GRM7: variants seen among roughly 807,000 people sequenced by gnomAD.
GRM7 encodes metabotropic glutamate receptor 7.
GRM7 carries 35 observed loss-of-function variants against 84.5 expected under a neutral mutation model. The ratio of observed to expected loss-of-function variants is 0.41; its 90% CI spans 0.32 to 0.55. The LOEUF (loss-of-function observed/expected upper bound fraction) is 0.55, where lower values mean the gene tolerates loss of function less well. Ranked by LOEUF, GRM7 falls within the 20% of genes least tolerant of loss-of-function variation. GRM7 has a pLI of 0.19. For synonymous variants in GRM7, 487 were observed against 455.1 expected (o/e 1.07, Z -0.89); for missense variants, 1,003 against 1,194.6 (o/e 0.84, Z 2.36).
intron 2 of GRM7, among the ~76,000 whole-genome samples, chr3:7,231,714 T>C (rs371327496): frequency 6.6e-6 from 1 of 152,152 alleles, no homozygotes; most frequent in Non-Finnish European, 1.5e-5. Flanking sequence ...TGCCCATAAA[T>C]GTACAGATGA....
chr3:7,721,928 G>T (rs1023123487), intron 9 of GRM7, among the ~76,000 whole-genome samples: 1 of 152,202 alleles, frequency 6.6e-6, no homozygotes, highest in Admixed American at 6.5e-5. Context: ...CTTTCACAGA[G>T]GTGGAACAGT....
intron 7 of GRM7, among the ~76,000 whole-genome samples, chr3:7,522,784 G>A (rs1346782933): frequency 6.6e-6 from 1 of 152,146 alleles, no homozygotes; most frequent in Non-Finnish European, 1.5e-5. Context: ...GTACGTCAAA[G>A]TCCTAACCCC....
intron 2 of GRM7, among the ~76,000 whole-genome samples, chr3:7,164,273 C>A (rs1054619468): frequency 6.6e-6 from 1 of 152,092 alleles, no homozygotes; most frequent in African/African-American, 2.4e-5. Flanking sequence ...GCAGGAGAAT[C>A]ACTTGAACCC....
intron 7 of GRM7, among the ~76,000 whole-genome samples, chr3:7,551,188 C>T (rs1056940236): frequency 2.4e-4 from 37 of 152,128 alleles, no homozygotes; most frequent in African/African-American, 8.5e-4. Context: ...CAAGTTTCTC[C>T]TTAAGGGGCA....
intron 7 of GRM7, among the ~76,000 whole-genome samples, chr3:7,561,023 C>A (rs1575494426): frequency 6.6e-6 from 1 of 152,210 alleles, no homozygotes; most frequent in African/African-American, 2.4e-5. Flanking sequence ...TTTCCATAAT[C>A]TGTTGCCTGC....
At chr3:6,885,119 G>A (rs1695642785) in intron 1 of GRM7, among the ~76,000 whole-genome samples, 1 of 152,192 alleles carries the variant, frequency 6.6e-6, no homozygotes, top group Non-Finnish European at 1.5e-5. Context: ...ACGACAGGCA[G>A]ACCCCCAAAT....
At chr3:6,947,061 T>C (rs1234553658) in intron 1 of GRM7, among the ~76,000 whole-genome samples, 1 of 152,186 alleles carries the variant, frequency 6.6e-6, no homozygotes, top group Non-Finnish European at 1.5e-5. Context: ...TCCTGCCTGA[T>C]TGCCCTGGCC....
At chr3:7,693,506 C>T (rs1700893752) in intron 9 of GRM7, 1 of 683,416 alleles carries the variant, frequency 1.5e-6, no homozygotes, top group Non-Finnish European at 2.7e-6. Flanking sequence ...AAAAATGCTA[C>T]ATTTTTGTTC....
At chr3:7,565,914 A>G (rs1039806680) in intron 7 of GRM7, among the ~76,000 whole-genome samples, 1 of 152,206 alleles carries the variant, frequency 6.6e-6, no homozygotes, top group Non-Finnish European at 1.5e-5. Context: ...TACTGCACAT[A>G]TAGCTTTTTG....
intron 1 of GRM7, among the ~76,000 whole-genome samples, chr3:6,864,141 A>G (rs1694861275): frequency 6.6e-6 from 1 of 152,174 alleles, no homozygotes; most frequent in Non-Finnish European, 1.5e-5. Context: ...TTTTCCTCTA[A>G]TTTGCAAATT....
At chr3:7,036,041 G>T (rs1489846156) in intron 1 of GRM7, among the ~76,000 whole-genome samples, 1 of 152,186 alleles carries the variant, frequency 6.6e-6, no homozygotes, top group Non-Finnish European at 1.5e-5. Flanking sequence ...GACTGAGACT[G>T]AGAGAGATAA....
At chr3:7,738,131 G>T (rs1702567665) in intron 9 of GRM7, among the ~76,000 whole-genome samples, 1 of 152,244 alleles carries the variant, frequency 6.6e-6, no homozygotes, top group African/African-American at 2.4e-5. Context: ...TGACAGGCAT[G>T]AGCAACCATA....
intron 8 of GRM7, among the ~76,000 whole-genome samples, chr3:7,611,750 G>T (rs1441140651): frequency 6.6e-6 from 1 of 152,076 alleles, no homozygotes; most frequent in African/African-American, 2.4e-5. Context: ...TACCAGATCA[G>T]AATCTGCATA....
At chr3:7,178,314 T>C (rs1263050294) in intron 2 of GRM7, among the ~76,000 whole-genome samples, 2 of 152,330 alleles carry the variant, frequency 1.3e-5, no homozygotes, top group East Asian at 3.9e-4. Flanking sequence ...TTGCCTTGTT[T>C]CTGCCACTCT....
chr3:7,348,551 G>C (rs969010790), intron 4 of GRM7, among the ~76,000 whole-genome samples: 2 of 152,040 alleles, frequency 1.3e-5, no homozygotes, highest in African/African-American at 2.4e-5. Flanking sequence ...GCATAAAGTT[G>C]CTAATATAGT....
chr3:7,245,359 C>T (rs1697719330), intron 2 of GRM7, among the ~76,000 whole-genome samples: 1 of 151,532 alleles, frequency 6.6e-6, no homozygotes. Context: ...ACATCATGGT[C>T]AAACTAGGGG....
chr3:7,667,680 A>AAGAC (rs1301237631), intron 8 of GRM7, among the ~76,000 whole-genome samples: 7 of 152,108 alleles, frequency 4.6e-5, no homozygotes, highest in Admixed American at 1.3e-4. Flanking sequence ...GAGTTGTGGA[A>AAGAC]AGACAGCAAT....
chr3:6,865,572 G>A (rs1166309507), intron 1 of GRM7, among the ~76,000 whole-genome samples: 1 of 149,980 alleles, frequency 6.7e-6, no homozygotes, highest in African/African-American at 2.5e-5. Flanking sequence ...TCCTCCCAAA[G>A]CAAGTAGATG....
At chr3:7,565,676 C>T (rs551168862) in intron 7 of GRM7, among the ~76,000 whole-genome samples, 50 of 152,116 alleles carry the variant, frequency 3.3e-4, no homozygotes, top group Non-Finnish European at 5.7e-4. Flanking sequence ...TGATATTAAC[C>T]GAAAGGATGA....
Sources: gnomAD v4.1 joint callset for allele counts (sites outside exome capture counted in the v4.1 genomes callset) on GRCh38, gnomAD v4.1.1 for gene constraint, MANE v1.5 for transcripts, NCBI Gene and HGNC (gene_info 2026-07-23, HGNC 2026-07-21) for gene names.